The following PCSK2 variants were observed in gnomAD, a reference collection of about 807,000 sequenced individuals.
The protein encoded by PCSK2 is proprotein convertase subtilisin/kexin type 2.
PCSK2 carries 14 observed loss-of-function variants against 69.7 expected under a neutral mutation model. That is an observed-to-expected ratio of 0.20 (90% CI 0.13 to 0.31). The LOEUF (loss-of-function observed/expected upper bound fraction) is 0.31, where lower values mean the gene tolerates loss of function less well. PCSK2 is among the 10% of genes least tolerant of loss of function. The pLI, the probability that PCSK2 is intolerant of heterozygous loss-of-function variation, is 1.00. For synonymous variants in PCSK2, 307 were observed against 320.7 expected (o/e 0.96, Z 0.46); for missense variants, 544 against 842.5 (o/e 0.65, Z 4.39).
intron 5 of PCSK2, among the ~76,000 whole-genome samples, chr20:17,383,089 C>T (rs368726980): frequency 8.5e-5 from 13 of 152,170 alleles, no homozygotes; most frequent in African/African-American, 1.7e-4. Flanking sequence ...CCTCTTTATC[C>T]GCAGCACAGC....
At chr20:17,463,127 C>T (rs1456991163) in intron 10 of PCSK2, among the ~76,000 whole-genome samples, 1 of 123,594 alleles carries the variant, frequency 8.1e-6, no homozygotes, top group Non-Finnish European at 1.8e-5. Flanking sequence ...TTATTTCTCT[C>T]TCTCTCATGC....
intron 2 of PCSK2, among the ~76,000 whole-genome samples, chr20:17,337,239 G>GGGC (rs1990380247): frequency 6.6e-6 from 1 of 152,172 alleles, no homozygotes; most frequent in Admixed American, 6.5e-5. Context: ...TTGCCTCAAA[G>GGGC]AACAACAAAG....
intron 7 of PCSK2, among the ~76,000 whole-genome samples, chr20:17,430,074 T>C (rs1484497958): frequency 2.0e-5 from 3 of 152,214 alleles, no homozygotes; most frequent in Admixed American, 6.5e-5. Flanking sequence ...GAACTCATCT[T>C]TAAAAAGAGA....
At chr20:17,307,434 T>C (rs1171588587) in intron 2 of PCSK2, among the ~76,000 whole-genome samples, 1 of 152,188 alleles carries the variant, frequency 6.6e-6, no homozygotes, top group Non-Finnish European at 1.5e-5. Context: ...ATGGGGAATA[T>C]GACAAACAGC....
intron 2 of PCSK2, among the ~76,000 whole-genome samples, chr20:17,299,899 T>G (rs554654100): frequency 6.6e-6 from 1 of 152,310 alleles, no homozygotes; most frequent in South Asian, 2.1e-4. Flanking sequence ...TTGCTATATG[T>G]CTATTTTGGT....
chr20:17,415,495 C>G (rs1276476566), intron 6 of PCSK2, among the ~76,000 whole-genome samples: 1 of 152,184 alleles, frequency 6.6e-6, no homozygotes, highest in African/African-American at 2.4e-5. Context: ...TGAAGGACCT[C>G]TTCAAGGAGA....
intron 2 of PCSK2, among the ~76,000 whole-genome samples, chr20:17,344,969 G>T (rs1419386501): frequency 6.6e-6 from 1 of 152,000 alleles, no homozygotes; most frequent in African/African-American, 2.4e-5. Context: ...ATCTCAACCA[G>T]CATCTTTGCA....
chr20:17,456,582 T>G (rs2032927170), intron 10 of PCSK2, 134 bp downstream of exon 10: 2 of 632,272 alleles, frequency 3.2e-6, no homozygotes, highest in Non-Finnish European at 2.8e-6. Flanking sequence ...CAATGAACTC[T>G]GCTGTGCATT....
chr20:17,390,915 C>T (rs373026711), intron 5 of PCSK2, among the ~76,000 whole-genome samples: 1 of 152,084 alleles, frequency 6.6e-6, no homozygotes, highest in Non-Finnish European at 1.5e-5. Context: ...TACAGTACAC[C>T]GTATCATGCA....
At chr20:17,347,844 GAAA>G (rs1568612081) in intron 2 of PCSK2, among the ~76,000 whole-genome samples, 2,449 of 121,132 alleles carry the variant, frequency 0.02, 159 homozygotes, top group East Asian at 0.048. Flanking sequence ...AAGAAAGAAA[GAAA>G]GAAAGAAAGA....
chr20:17,268,510 A>T (rs1006713170), intron 2 of PCSK2, among the ~76,000 whole-genome samples: 2 of 152,066 alleles, frequency 1.3e-5, no homozygotes, highest in African/African-American at 4.8e-5. Context: ...GAGAAAGGGC[A>T]CTCCAGACAG....
chr20:17,335,427 T>TTGTGTGTGTGTGTGTGTGTGTGTG (rs56275148), intron 2 of PCSK2, among the ~76,000 whole-genome samples: 78 of 139,278 alleles, frequency 5.6e-4, no homozygotes, highest in African/African-American at 9.4e-4. Context: ...CAGCATCACT[T>TTGTGTGTGTGTGTGTGTGTGTGTG]TGTGTGTGTG....
intron 5 of PCSK2, among the ~76,000 whole-genome samples, chr20:17,392,271 C>T (rs2031402317): frequency 6.6e-6 from 1 of 152,168 alleles, no homozygotes; most frequent in Non-Finnish European, 1.5e-5. Flanking sequence ...GAACTCACAA[C>T]CTGCCCAGTG....
intron 2 of PCSK2, among the ~76,000 whole-genome samples, chr20:17,272,670 G>T (rs1279268865): frequency 6.6e-6 from 1 of 152,038 alleles, no homozygotes; most frequent in Non-Finnish European, 1.5e-5. Context: ...AGAACCCTCT[G>T]CCAGGATGAT....
chr20:17,408,191 A>G lies in PCSK2; in HGVS notation c.544-1072A>G, dbSNP rs117197352. Reference sequence around the variant, plus strand: ...GGCCCAGTGTATACTGTGAACCAAGAAGCCATCTGGGGTCTTCATTTCAGA... The same window carrying G: ...GGCCCAGTGTATACTGTGAACCAAGGAGCCATCTGGGGTCTTCATTTCAGA... On this transcript the variant is annotated intron_variant, in intron 5 of 11. Coordinates refer to ENST00000262545, the MANE Select transcript of PCSK2 (RefSeq NM_002594.5). 4.5e-3 allele frequency among the ~76,000 whole-genome samples: 679 copies of G among 152,212 alleles called. 17 individuals carry two copies. Among genetic ancestry groups the G allele is most frequent in the East Asian group, 0.032 (167 of 5,164 alleles).
intron 2 of PCSK2, among the ~76,000 whole-genome samples, chr20:17,323,126 A>T (rs1301288676): frequency 2.6e-5 from 4 of 152,134 alleles, no homozygotes; most frequent in Admixed American, 1.3e-4. Context: ...CAGCCTTCCA[A>T]AATGCTGGGA....
intron 2 of PCSK2, among the ~76,000 whole-genome samples, chr20:17,324,953 C>A (rs1257862487): frequency 6.6e-6 from 1 of 152,150 alleles, no homozygotes; most frequent in Non-Finnish European, 1.5e-5. Flanking sequence ...TGTCGCGAGG[C>A]CACCATGCTT....
At chr20:17,280,029 A>T (rs998548004) in intron 2 of PCSK2, among the ~76,000 whole-genome samples, 2 of 151,358 alleles carry the variant, frequency 1.3e-5, no homozygotes, top group Non-Finnish European at 2.9e-5. Context: ...TCAAGCTTAT[A>T]TCCTCCGCAG....
chr20:17,370,386 A>G (rs539835234), intron 5 of PCSK2, among the ~76,000 whole-genome samples: 2 of 152,354 alleles, frequency 1.3e-5, no homozygotes, highest in South Asian at 4.1e-4. Context: ...TGCACTGGGC[A>G]ACAAGAAACA....
Sources: allele counts gnomAD v4.1 joint callset (sites outside exome capture counted in the v4.1 genomes callset), GRCh38; gene constraint gnomAD v4.1.1; transcripts MANE v1.5; gene names NCBI Gene and HGNC (gene_info 2026-07-23, HGNC 2026-07-21).